The following FBXW8 variants were observed in gnomAD, a reference collection of about 807,000 sequenced individuals.
FBXW8 encodes F-box/WD repeat-containing protein 8.
Under a neutral mutation model 65.3 loss-of-function variants are expected in FBXW8, and 57 were observed. That is an observed-to-expected ratio of 0.87 (90% CI 0.71 to 1.09). The LOEUF (loss-of-function observed/expected upper bound fraction) is 1.09. Among genes scored for constraint, FBXW8 ranks in the 50% least tolerant of loss-of-function variants. The pLI is 0.00. For synonymous variants in FBXW8, 308 were observed against 330.2 expected, an observed-to-expected ratio of 0.93 and a Z score of 0.73; for missense variants, 777 against 814.8, an observed-to-expected ratio of 0.95 and a Z score of 0.57.
rs571851054 is a variant in FBXW8, at chr12:116,927,652, T to C, written c.319-371T>C. Among the ~76,000 whole-genome samples the C allele has an allele frequency of 2.6e-5, 4 of 152,298 alleles. No individual in the cohort carries two copies. The South Asian group carries it at 8.3e-4, about 32-fold the overall frequency. ...TTCAAGCCTCACTTTCTTGGCCGCC[T>C]GCTGCTCACCTTTCCTTAGAGGTCA... On this transcript the variant is annotated intron_variant, in intron 1 of 10. Transcript: ENST00000652555.
intron 1 of FBXW8, among the ~76,000 whole-genome samples, chr12:116,914,362 C>T (rs917990888): frequency 2.8e-5 from 4 of 144,916 alleles, no homozygotes; most frequent in African/African-American, 1.0e-4. Flanking sequence ...GTGGATGGAT[C>T]TCTTGAGCTC....
intron 4 of FBXW8, among the ~76,000 whole-genome samples, chr12:116,962,490 G>A (rs992621006): frequency 1.3e-5 from 2 of 152,160 alleles, no homozygotes; most frequent in African/African-American, 2.4e-5. Flanking sequence ...TCCCCTGGGG[G>A]GGCACCACTG....
chr12:116,970,165 C>T (rs896495467), intron 5 of FBXW8, among the ~76,000 whole-genome samples: 7 of 152,126 alleles, frequency 4.6e-5, no homozygotes, highest in African/African-American at 1.2e-4. Context: ...CTTCGAAACC[C>T]GCTCCCTGGT....
At chr12:116,987,554 A>G (rs1885804311) in intron 6 of FBXW8, among the ~76,000 whole-genome samples, 1 of 152,220 alleles carries the variant, frequency 6.6e-6, no homozygotes, top group South Asian at 2.1e-4. Context: ...TCTGGTGGCC[A>G]AATGGACCCT....
chr12:116,956,452 A>G (rs576818788), intron 4 of FBXW8, among the ~76,000 whole-genome samples: 29 of 152,322 alleles, frequency 1.9e-4, no homozygotes, highest in African/African-American at 6.3e-4. Flanking sequence ...GCTGCCAGAC[A>G]TGGCCTGATT....
At chr12:117,004,264 C>T (rs551461854) in intron 7 of FBXW8, among the ~76,000 whole-genome samples, 1 of 152,172 alleles carries the variant, frequency 6.6e-6, no homozygotes, top group East Asian at 1.9e-4. Context: ...TTTTTATCCT[C>T]TCCCTCTTTT....
At chr12:116,912,783 G>T (rs1169062566) in intron 1 of FBXW8, among the ~76,000 whole-genome samples, 1 of 152,140 alleles carries the variant, frequency 6.6e-6, no homozygotes, top group African/African-American at 2.4e-5. Flanking sequence ...CTTTTAAGTG[G>T]CAAGCTGTTT....
At chr12:116,912,981 C>G (rs765187795) in intron 1 of FBXW8, among the ~76,000 whole-genome samples, 1 of 152,106 alleles carries the variant, frequency 6.6e-6, no homozygotes, top group Non-Finnish European at 1.5e-5. Context: ...TGTAACTTGC[C>G]CAGCATTACC....
rs1178743235 is a variant in FBXW8, at chr12:117,014,878, T to A, written c.1367+4428T>A. 3.3e-5 allele frequency among the ~76,000 whole-genome samples: 5 copies of A among 152,286 alleles called. No homozygotes were observed. The East Asian group carries it at 9.7e-4, about 29-fold the overall frequency. On this transcript the variant is annotated intron_variant, in intron 8 of 10. Transcript: ENST00000652555. ...TATGGGATCCCTTTCTTGAGATTCC[T>A]CCTCTCTCAATCCTTACACTTTCCA...
intron 4 of FBXW8, among the ~76,000 whole-genome samples, chr12:116,955,505 G>A (rs1883586111): frequency 6.6e-6 from 1 of 152,206 alleles, no homozygotes; most frequent in African/African-American, 2.4e-5. Context: ...TGAAATGCTA[G>A]CGAGGTTTAG....
chr12:116,931,861 G>C (rs943109903), intron 2 of FBXW8, among the ~76,000 whole-genome samples: 5 of 151,820 alleles, frequency 3.3e-5, no homozygotes, highest in Admixed American at 6.6e-5. Flanking sequence ...TTGCCTAATT[G>C]CTGTGACTAA....
chr12:117,017,400 A>C (rs1477486363), intron 8 of FBXW8, among the ~76,000 whole-genome samples: 1 of 152,246 alleles, frequency 6.6e-6, no homozygotes, highest in African/African-American at 2.4e-5. Context: ...TCTAAACTTC[A>C]GAGATACAGC....
At chr12:116,947,320 G>A (rs755404336) in intron 3 of FBXW8, among the ~76,000 whole-genome samples, 7 of 152,278 alleles carry the variant, frequency 4.6e-5, no homozygotes, top group South Asian at 2.1e-4. Flanking sequence ...CTTCTATTTG[G>A]AGCGTGTAAG....
chr12:116,993,209 T>C (rs1161775089), intron 7 of FBXW8, among the ~76,000 whole-genome samples: 1 of 147,254 alleles, frequency 6.8e-6, no homozygotes, highest in Non-Finnish European at 1.5e-5. Flanking sequence ...GTTCAAGCAG[T>C]TCTCCAGCCT....
chr12:116,963,456 T>G (rs1884114387), intron 4 of FBXW8, among the ~76,000 whole-genome samples: 2 of 151,974 alleles, frequency 1.3e-5, no homozygotes, highest in Admixed American at 1.3e-4. Flanking sequence ...AAAAACAAAC[T>G]AGCCGGACAT....
rs540554024 is a variant in FBXW8, at chr12:116,919,850, A to G, written c.319-8173A>G. Among the ~76,000 whole-genome samples the G allele has an allele frequency of 2.0e-5, 3 of 152,276 alleles. No homozygotes were observed. The East Asian group carries it at 5.8e-4, about 29-fold the overall frequency. ...TTAATACTGCTGGCCAATATTTATC[A>G]CTCACCATGTCAATATTTAACCTGT... On this transcript the variant is annotated intron_variant, in intron 1 of 10. Coordinates refer to ENST00000652555, the MANE Select transcript of FBXW8 (RefSeq NM_153348.3).
At chr12:116,912,432 C>T (rs553780305) in intron 1 of FBXW8, among the ~76,000 whole-genome samples, 4 of 151,152 alleles carry the variant, frequency 2.6e-5, no homozygotes, top group South Asian at 4.2e-4. Context: ...CCAAGTGATC[C>T]TCCCAATTGA....
intron 7 of FBXW8, among the ~76,000 whole-genome samples, chr12:116,993,572 T>G (rs965305999): frequency 3.3e-5 from 5 of 152,232 alleles, no homozygotes; most frequent in African/African-American, 4.8e-5. Context: ...TTTGCCCACT[T>G]TTTAATGGGA....
rs111840288 is a variant in FBXW8 at position 117,004,360 on chromosome 12, CATATG to C, written c.1240-5958_1240-5954del. Among the ~76,000 whole-genome samples the C allele has an allele frequency of 5.9e-5, 9 of 152,296 alleles. No individual in the cohort carries two copies. In the East Asian group the frequency reaches 1.3e-3, roughly 23 times the overall value. ...TAATTCTCCTTGTTTTTCTGTCTCA[CATATG>C]ATATATCACTTCTTGCTGTATTTGG... On this transcript the variant is annotated intron_variant, in intron 7 of 10. Transcript: ENST00000652555.
Sources: allele counts gnomAD v4.1 joint callset (sites outside exome capture counted in the v4.1 genomes callset), GRCh38; gene constraint gnomAD v4.1.1; transcripts MANE v1.5; gene names NCBI Gene and HGNC (gene_info 2026-07-23, HGNC 2026-07-21).